PPP3CB: variants seen among roughly 807,000 people sequenced by gnomAD.
The protein encoded by PPP3CB is protein phosphatase 3 catalytic subunit beta.
PPP3CB carries 8 observed loss-of-function variants against 66.4 expected under a neutral mutation model. The ratio of observed to expected loss-of-function variants is 0.12; its 90% CI spans 0.07 to 0.22. PPP3CB has a LOEUF of 0.22. Ranked by LOEUF, PPP3CB falls within the 10% of genes least tolerant of loss-of-function variation. The pLI, the probability that PPP3CB is intolerant of heterozygous loss-of-function variation, is 1.00. For missense variants in PPP3CB, 319 were observed against 642.5 expected, an observed-to-expected ratio of 0.50 and a Z score of 5.44; for synonymous variants, 208 against 221.2, an observed-to-expected ratio of 0.94 and a Z score of 0.53.
intron 3 of PPP3CB, 29 bp downstream of exon 3, chr10:73,478,470 C>T: frequency 6.3e-7 from 1 of 1,588,262 alleles, no homozygotes; most frequent in East Asian, 2.2e-5. Flanking sequence ...CACTTAACAG[C>T]AAATCAAATG....
intron 9 of PPP3CB, among the ~76,000 whole-genome samples, chr10:73,462,198 G>C (rs968269766): frequency 1.4e-5 from 2 of 142,672 alleles, no homozygotes; most frequent in African/African-American, 5.2e-5. Flanking sequence ...ACCCAGGTTG[G>C]AGTGCAGTAG....
At chr10:73,487,584 A>C (rs1474656953) in intron 1 of PPP3CB, among the ~76,000 whole-genome samples, 5 of 147,454 alleles carry the variant, frequency 3.4e-5, no homozygotes, top group South Asian at 2.1e-4. Flanking sequence ...AAAAAAAAAA[A>C]CAAACAGGAA....
intron 3 of PPP3CB, among the ~76,000 whole-genome samples, chr10:73,475,835 A>G (rs1015713539): frequency 2.6e-5 from 4 of 152,182 alleles, no homozygotes; most frequent in Non-Finnish European, 4.4e-5. Context: ...CATGGTTTAT[A>G]TAATCATATG....
At chr10:73,488,803 A>T (rs2057028803) in intron 1 of PPP3CB, among the ~76,000 whole-genome samples, 1 of 151,956 alleles carries the variant, frequency 6.6e-6, no homozygotes, top group South Asian at 2.1e-4. Context: ...TATCACTCAC[A>T]CTTAATGTCA....
intron 1 of PPP3CB, among the ~76,000 whole-genome samples, chr10:73,484,647 T>C (rs941467345): frequency 3.3e-5 from 5 of 152,180 alleles, no homozygotes; most frequent in Non-Finnish European, 7.3e-5. Flanking sequence ...CTATGTTTCC[T>C]TACTTTTCTA....
chr10:73,464,807 C>T (rs1436138101), intron 9 of PPP3CB, among the ~76,000 whole-genome samples: 2 of 151,970 alleles, frequency 1.3e-5, no homozygotes, highest in Non-Finnish European at 2.9e-5. Flanking sequence ...TACAGCATGC[C>T]TGTAATCCCA....
chr10:73,491,394 A>AC (rs1184020591), intron 1 of PPP3CB, among the ~76,000 whole-genome samples: 1 of 151,068 alleles, frequency 6.6e-6, no homozygotes, highest in East Asian at 2.0e-4. Flanking sequence ...CAAACTCCTG[A>AC]CCTCAAGTGA....
At chr10:73,441,624 G>A (rs1010692870) in intron 12 of PPP3CB, among the ~76,000 whole-genome samples, 2 of 152,128 alleles carry the variant, frequency 1.3e-5, no homozygotes, top group Admixed American at 6.5e-5. Flanking sequence ...TAATAAGTTT[G>A]AGCATAGTGC....
chr10:73,485,339 G>A (rs185986845), intron 1 of PPP3CB, among the ~76,000 whole-genome samples: 1 of 152,186 alleles, frequency 6.6e-6, no homozygotes, highest in African/African-American at 2.4e-5. Flanking sequence ...TGGGAAAAAG[G>A]GGGTGGTGGT....
intron 1 of PPP3CB, among the ~76,000 whole-genome samples, chr10:73,487,692 A>T (rs904348197): frequency 1.3e-5 from 2 of 151,792 alleles, no homozygotes; most frequent in African/African-American, 4.8e-5. Flanking sequence ...CAATATATTT[A>T]TAGTGTTTTA....
chr10:73,463,962 G>A (rs768363503), intron 9 of PPP3CB, among the ~76,000 whole-genome samples: 1 of 149,118 alleles, frequency 6.7e-6, no homozygotes, highest in African/African-American at 2.5e-5. Flanking sequence ...ACAGAGTCTC[G>A]CTCTGTTGCC....
chr10:73,480,617 G>A (rs1012268360), intron 1 of PPP3CB, among the ~76,000 whole-genome samples: 1 of 151,878 alleles, frequency 6.6e-6, no homozygotes, highest in African/African-American at 2.4e-5. Context: ...GCTTATTTTT[G>A]TATTTTTAGT....
chr10:73,443,060 T>C (rs2056175145), intron 12 of PPP3CB, among the ~76,000 whole-genome samples: 1 of 151,306 alleles, frequency 6.6e-6, no homozygotes, highest in Admixed American at 6.6e-5. Context: ...ATTAGCTGGC[T>C]GTGGTGGCAT....
chr10:73,476,392 A>C (rs2056789377), intron 3 of PPP3CB, among the ~76,000 whole-genome samples: 1 of 152,094 alleles, frequency 6.6e-6, no homozygotes, highest in Admixed American at 6.6e-5. Flanking sequence ...CGAGGCAGGC[A>C]GATCACCTGA....
intron 12 of PPP3CB, chr10:73,444,102 G>T (rs1183343203): frequency 6.5e-6 from 1 of 152,842 alleles, no homozygotes; most frequent in East Asian, 1.9e-4. Flanking sequence ...TACATCTGCA[G>T]AGGAAGGAAA....
intron 1 of PPP3CB, among the ~76,000 whole-genome samples, chr10:73,480,399 GC>G (rs1488977539): frequency 6.7e-6 from 1 of 149,302 alleles, no homozygotes; most frequent in Non-Finnish European, 1.5e-5. Flanking sequence ...AGCACTTTTT[GC>G]ATATGTGTAA....
chr10:73,491,898 T>C (rs1424812333), intron 1 of PPP3CB, among the ~76,000 whole-genome samples: 14 of 151,494 alleles, frequency 9.2e-5, no homozygotes, highest in Non-Finnish European at 1.9e-4. Flanking sequence ...ACCCGGGAGG[T>C]GGAGGTTGCA....
At chr10:73,482,912 C>T (rs140864934) in intron 1 of PPP3CB, among the ~76,000 whole-genome samples, 161 of 152,284 alleles carry the variant, frequency 1.1e-3, no homozygotes, top group Middle Eastern at 6.8e-3. Context: ...GCCACTGTGC[C>T]TGGCCTAGAT....
At chr10:73,481,642 A>C (rs992455697) in intron 1 of PPP3CB, among the ~76,000 whole-genome samples, 5 of 151,838 alleles carry the variant, frequency 3.3e-5, no homozygotes, top group Admixed American at 6.6e-5. Context: ...AAACAAAAAA[A>C]AAAACTAGGT....
Sources: gnomAD v4.1 joint callset for allele counts (sites outside exome capture counted in the v4.1 genomes callset) on GRCh38, gnomAD v4.1.1 for gene constraint, MANE v1.5 for transcripts, NCBI Gene and HGNC (gene_info 2026-07-23, HGNC 2026-07-21) for gene names.